The following GRAMD2B variants were observed in gnomAD, a reference collection of about 807,000 sequenced individuals.
GRAMD2B encodes the protein GRAM domain containing 2B, also known as GRAM domain-containing protein 2B.
In GRAMD2B, 41 loss-of-function variants were observed where a neutral mutation model predicts 59.2. The ratio of observed to expected loss-of-function variants is 0.69; its 90% CI spans 0.54 to 0.90. GRAMD2B has a LOEUF of 0.90. Among genes scored for constraint, GRAMD2B ranks in the 40% least tolerant of loss-of-function variants. The pLI is 0.00. For synonymous variants in GRAMD2B, 161 were observed against 182.7 expected (o/e 0.88, Z 0.96); for missense variants, 424 against 500.5 (o/e 0.85, Z 1.46).
chr5:126,423,478 T>G lies in GRAMD2B; in HGVS notation c.-129T>G, dbSNP rs1759994053. 6.9e-7 allele frequency: 1 copy of G among 1,455,336 alleles called. No individual in the cohort carries two copies. The highest frequency in any genetic ancestry group is 9.0e-7 in the Non-Finnish European group (1 of 1,109,648). The allele number at this position is 1,455,336 out of a possible 1,614,324, so 90.2% of individuals were successfully genotyped here. A position where few individuals can be genotyped will look rare whatever the true frequency, so the allele number is the denominator to read the frequency against. Reference sequence around the variant, plus strand: ...TTGGCGCGGCCCGGCCTGGATGCGCTGGGCGGAGGGTGCAGGGGAGGGCAC... The same window carrying G: ...TTGGCGCGGCCCGGCCTGGATGCGCGGGGCGGAGGGTGCAGGGGAGGGCAC... On this transcript the variant is annotated 5_prime_UTR_variant, in exon 1 of 14. Coordinates refer to ENST00000285689, the MANE Select transcript of GRAMD2B (RefSeq NM_023927.4).
chr5:126,462,705 G>A lies in GRAMD2B; in HGVS notation c.84-2721G>A, dbSNP rs566207852. On this transcript the variant is annotated intron_variant, in intron 1 of 13. Coordinates refer to ENST00000285689, the MANE Select transcript of GRAMD2B (RefSeq NM_023927.4). The stretch of plus-strand genomic sequence containing the variant: ...TAGTGCTGGATAACTAAGATTTTTG[G>A]GAGAAAAGGTACCAGTACAAGGTAT... 2.0e-5 allele frequency among the ~76,000 whole-genome samples: 3 copies of A among 152,122 alleles called. No individual in the cohort carries two copies. The South Asian group carries it at 6.2e-4, about 31-fold the overall frequency.
At chr5:126,470,836 G>A (rs369468939) in intron 3 of GRAMD2B, among the ~76,000 whole-genome samples, 2 of 152,100 alleles carry the variant, frequency 1.3e-5, no homozygotes, top group Non-Finnish European at 2.9e-5. Context: ...CTGTGATTAC[G>A]AGCATGAGCC....
At chr5:126,437,102 A>C (rs1762538337) in intron 1 of GRAMD2B, among the ~76,000 whole-genome samples, 1 of 152,236 alleles carries the variant, frequency 6.6e-6, no homozygotes. Flanking sequence ...GGCCACTGAC[A>C]GGGTTTACCC....
intron 1 of GRAMD2B, among the ~76,000 whole-genome samples, chr5:126,457,340 T>A (rs1484474874): frequency 6.6e-6 from 1 of 151,292 alleles, no homozygotes. Flanking sequence ...TTTGGTTAAA[T>A]ATATAGGTCT....
intron 1 of GRAMD2B, among the ~76,000 whole-genome samples, chr5:126,383,373 A>G (rs1404101934): frequency 6.6e-6 from 1 of 152,226 alleles, no homozygotes; most frequent in Admixed American, 6.5e-5. Flanking sequence ...TATGTGGAAG[A>G]CCTAGCATGG....
chr5:126,440,871 C>T (rs72784513), intron 1 of GRAMD2B, among the ~76,000 whole-genome samples: 3,005 of 152,122 alleles, frequency 0.02, 41 homozygotes, highest in Non-Finnish European at 0.032. Context: ...GCATTTATCT[C>T]TAATCATGGG....
chr5:126,450,722 CA>C (rs1304881413), intron 1 of GRAMD2B, among the ~76,000 whole-genome samples: 1 of 149,944 alleles, frequency 6.7e-6, no homozygotes, highest in Non-Finnish European at 1.5e-5. Flanking sequence ...AGCGTCAGCT[CA>C]AAGGGGCCCA....
At position 126,480,705 on chromosome 5, in the gene GRAMD2B, C is replaced by A. The variant is rs368261961; in HGVS notation, c.733C>A (p.Leu245Met). 2 of 1,613,382 alleles carry A rather than the reference C, an allele frequency of 1.2e-6. No homozygotes were observed. The highest frequency in any genetic ancestry group is 2.7e-5 in the African/African-American group (2 of 74,914). ...AGCAGACCGCCCTTCATCTCTGCCT[C>A]TGGTAAGTTGCCCACATAACTATCT... ...FRADRPSSLP[L>M]DFNDEFSDLD... Residue 245 changes from leucine (L) to methionine (M), a missense_variant and splice_region_variant, in exon 8 of 14, where the codon CTG (leucine) becomes ATG (methionine). Transcript: ENST00000285689.
intron 1 of GRAMD2B, among the ~76,000 whole-genome samples, chr5:126,450,242 A>G (rs921402210): frequency 3.6e-4 from 55 of 152,092 alleles, no homozygotes; most frequent in Non-Finnish European, 6.3e-4. Flanking sequence ...GGGTGCCTCA[A>G]AACAAAAGTG....
intron 1 of GRAMD2B, among the ~76,000 whole-genome samples, chr5:126,453,506 G>A (rs2126697344): frequency 6.6e-6 from 1 of 152,260 alleles, no homozygotes; most frequent in Admixed American, 6.5e-5. Context: ...ATGCACTGAG[G>A]CTGTAAATAA....
intron 1 of GRAMD2B, among the ~76,000 whole-genome samples, chr5:126,394,398 G>C (rs1401070485): frequency 6.6e-6 from 1 of 152,162 alleles, no homozygotes; most frequent in Non-Finnish European, 1.5e-5. Context: ...ATATGGTAGA[G>C]TAAATCTACA....
chr5:126,434,731 A>G (rs185150431), intron 1 of GRAMD2B, among the ~76,000 whole-genome samples: 4,417 of 152,046 alleles, frequency 0.029, 94 homozygotes, highest in Admixed American at 0.066. Flanking sequence ...GTTAGCCAGG[A>G]TGGTCTCGAT....
intron 1 of GRAMD2B, among the ~76,000 whole-genome samples, chr5:126,437,817 C>G (rs58248952): frequency 0.053 from 8,115 of 152,220 alleles, 724 homozygotes; most frequent in African/African-American, 0.19. Context: ...ACCAGAGAAC[C>G]TTTCCAAATA....
chr5:126,423,506 C>A lies in GRAMD2B; in HGVS notation c.-101C>A, dbSNP rs930461722. The A allele has an allele frequency of 4.4e-5, 68 of 1,534,422 alleles. 2 individuals are homozygous for A. The Admixed American group carries it at 6.3e-4, about 14-fold the overall frequency. ...GCGGAGGGTGCAGGGGAGGGCACGG[C>A]GCCGCTTGCTTGGCCTGCGCACCCG... On this transcript the variant is annotated 5_prime_UTR_variant, in exon 1 of 14. Transcript: ENST00000285689.
chr5:126,465,875 G>A (rs527401191), intron 2 of GRAMD2B, among the ~76,000 whole-genome samples: 1 of 152,202 alleles, frequency 6.6e-6, no homozygotes, highest in East Asian at 1.9e-4. Flanking sequence ...GTGCACACCT[G>A]GTGTCTCACT....
At chr5:126,433,244 T>C (rs1761874842) in intron 1 of GRAMD2B, among the ~76,000 whole-genome samples, 1 of 152,204 alleles carries the variant, frequency 6.6e-6, no homozygotes. Flanking sequence ...TAGGTACTAT[T>C]TCCATCACAT....
chr5:126,383,931 A>G (rs1319357420), intron 1 of GRAMD2B, among the ~76,000 whole-genome samples: 1 of 152,124 alleles, frequency 6.6e-6, no homozygotes, highest in Non-Finnish European at 1.5e-5. Context: ...GTCTACACTG[A>G]CTCATTATAT....
chr5:126,480,908 G>A (rs1771606699), intron 8 of GRAMD2B: 2 of 588,018 alleles, frequency 3.4e-6, no homozygotes. Flanking sequence ...TTGAAGAGTT[G>A]TCCTGCAAAA....
chr5:126,374,740 A>G (rs185346420), intron 1 of GRAMD2B, among the ~76,000 whole-genome samples: 5 of 152,322 alleles, frequency 3.3e-5, no homozygotes, highest in Non-Finnish European at 5.9e-5. Context: ...AATTATTTGT[A>G]GAGATAATAA....
Sources: gnomAD v4.1 joint callset for allele counts (sites outside exome capture counted in the v4.1 genomes callset) on GRCh38, gnomAD v4.1.1 for gene constraint, MANE v1.5 for transcripts, NCBI Gene and HGNC (gene_info 2026-07-23, HGNC 2026-07-21) for gene names.